The following ARHGAP44 variants were observed in gnomAD, a reference collection of about 807,000 sequenced individuals.
The protein encoded by ARHGAP44 is Rho GTPase activating protein 44.
Under a neutral mutation model 106.8 loss-of-function variants are expected in ARHGAP44, and 43 were observed. That is an observed-to-expected ratio of 0.40 (90% CI 0.32 to 0.52). ARHGAP44 has a LOEUF of 0.52. Among genes scored for constraint, ARHGAP44 ranks in the 20% least tolerant of loss-of-function variants. The pLI, the probability that ARHGAP44 is intolerant of heterozygous loss-of-function variation, is 0.48. For synonymous variants in ARHGAP44, 439 were observed against 410.3 expected (o/e 1.07, Z -0.85); for missense variants, 866 against 1,050.5 (o/e 0.82, Z 2.43).
intron 1 of ARHGAP44, among the ~76,000 whole-genome samples, chr17:12,873,921 ATAAATAAACAAATAAAT>A (rs2036475138): frequency 1.7e-4 from 3 of 17,546 alleles, no homozygotes; most frequent in African/African-American, 2.1e-4. Context: ...AAATAAATAA[ATAAATAAACAAATAAAT>A]AAATAAATAA....
chr17:12,948,752 C>CACGCA (rs1221163562), intron 10 of ARHGAP44, among the ~76,000 whole-genome samples: 1 of 140,794 alleles, frequency 7.1e-6, no homozygotes, highest in Non-Finnish European at 1.5e-5. Context: ...ACACACACAC[C>CACGCA]CCCTGTAGAC....
At chr17:12,891,987 G>GGGTTTGA (rs11282664) in intron 1 of ARHGAP44, among the ~76,000 whole-genome samples, 112,024 of 151,240 alleles carry the variant, frequency 0.74, 41,815 homozygotes, top group East Asian at 0.98. Context: ...AGCAGAGATG[G>GGGTTTGA]CCATGTTGGC....
At chr17:12,919,676 G>A (rs373182449) in intron 5 of ARHGAP44, 79 bp from the exon 6 acceptor site, 36 of 1,306,648 alleles carry the variant, frequency 2.8e-5, no homozygotes, top group African/African-American at 2.5e-4. Context: ...ATGAGCCACC[G>A]CGCCTGGCCA....
chr17:12,894,271 C>A (rs1035564639), intron 1 of ARHGAP44, among the ~76,000 whole-genome samples: 1 of 147,104 alleles, frequency 6.8e-6, no homozygotes, highest in Non-Finnish European at 1.5e-5. Context: ...CACGTGCGTG[C>A]GTGTTGTCAG....
At chr17:12,812,532 C>T (rs1211640938) in intron 1 of ARHGAP44, among the ~76,000 whole-genome samples, 1 of 152,082 alleles carries the variant, frequency 6.6e-6, no homozygotes, top group African/African-American at 2.4e-5. Context: ...TGAATTTTAC[C>T]TGAATCAGAT....
At chr17:12,813,146 T>A (rs2034488284) in intron 1 of ARHGAP44, among the ~76,000 whole-genome samples, 1 of 152,138 alleles carries the variant, frequency 6.6e-6, no homozygotes, top group Non-Finnish European at 1.5e-5. Flanking sequence ...CTTTGCATGT[T>A]CTGTTTCTAA....
chr17:12,802,921 G>A (rs1597861346), intron 1 of ARHGAP44, among the ~76,000 whole-genome samples: 1 of 92,718 alleles, frequency 1.1e-5, no homozygotes, highest in Admixed American at 1.5e-4. Context: ...ACCATACCTG[G>A]CTAATTTATA....
intron 1 of ARHGAP44, among the ~76,000 whole-genome samples, chr17:12,878,099 A>G (rs2036613298): frequency 6.6e-6 from 1 of 152,272 alleles, no homozygotes; most frequent in Admixed American, 6.5e-5. Flanking sequence ...TTGGGAAATG[A>G]CAGGTGAACT....
At chr17:12,865,767 C>G (rs1247688266) in intron 1 of ARHGAP44, among the ~76,000 whole-genome samples, 1 of 131,458 alleles carries the variant, frequency 7.6e-6, no homozygotes, top group African/African-American at 2.8e-5. Flanking sequence ...CCAGCCTGGG[C>G]AACAGAGCGA....
At chr17:12,962,014 C>T (rs1346289698) in intron 16 of ARHGAP44, among the ~76,000 whole-genome samples, 1 of 152,070 alleles carries the variant, frequency 6.6e-6, no homozygotes, top group African/African-American at 2.4e-5. Context: ...AGTCTTCACA[C>T]TGCTCATTGA....
chr17:12,870,336 C>T (rs1437396084), intron 1 of ARHGAP44, among the ~76,000 whole-genome samples: 1 of 152,064 alleles, frequency 6.6e-6, no homozygotes. Context: ...GCCACTGTGC[C>T]CAGCCTGAAT....
chr17:12,857,715 C>CG (rs1567652184), intron 1 of ARHGAP44, among the ~76,000 whole-genome samples: 1 of 152,122 alleles, frequency 6.6e-6, no homozygotes, highest in Non-Finnish European at 1.5e-5. Flanking sequence ...CCGTATTTTC[C>CG]ATAACAGGAT....
At chr17:12,844,872 G>T (rs2150836359) in intron 1 of ARHGAP44, among the ~76,000 whole-genome samples, 1 of 152,186 alleles carries the variant, frequency 6.6e-6, no homozygotes, top group East Asian at 1.9e-4. Context: ...TCGAAGATTG[G>T]TCTGATAAGA....
chr17:12,964,778 C>T (rs1419150645), intron 16 of ARHGAP44, among the ~76,000 whole-genome samples: 1 of 152,066 alleles, frequency 6.6e-6, no homozygotes, highest in Non-Finnish European at 1.5e-5. Flanking sequence ...CAGAGTGAGA[C>T]TCTGTCTCAA....
At chr17:12,956,996 G>A (rs2039145462) in intron 15 of ARHGAP44, among the ~76,000 whole-genome samples, 2 of 152,118 alleles carry the variant, frequency 1.3e-5, no homozygotes, top group African/African-American at 4.8e-5. Context: ...TTGTTGCCCA[G>A]GCTGGATTGC....
chr17:12,822,403 A>G (rs140937364), intron 1 of ARHGAP44, among the ~76,000 whole-genome samples: 336 of 152,284 alleles, frequency 2.2e-3, no homozygotes, highest in African/African-American at 7.7e-3. Context: ...GCCCCCTGCA[A>G]TGGATTGTCA....
In ARHGAP44 at chr17:12,941,227, G is replaced by A; in HGVS notation, c.651+103G>A. Reference sequence around the variant, plus strand: ...TTAATTGATCACATCATAGAAAAAGGTGGGAGCTTTGACCATTTTACTAGT... The same window carrying A: ...TTAATTGATCACATCATAGAAAAAGATGGGAGCTTTGACCATTTTACTAGT... On this transcript the variant is annotated intron_variant, in intron 8 of 20. Coordinates refer to ENST00000379672, the MANE Select transcript of ARHGAP44 (RefSeq NM_014859.6). The A allele has an allele frequency of 5.4e-6, 6 of 1,109,182 alleles. No homozygotes were observed. In the South Asian group the frequency reaches 8.8e-5, roughly 16 times the overall value. 68.7% of individuals were successfully genotyped at this position (1,109,182 alleles called of 1,614,324 possible). A position where few individuals can be genotyped will look rare whatever the true frequency, so the allele number is the denominator to read the frequency against.
intron 1 of ARHGAP44, among the ~76,000 whole-genome samples, chr17:12,806,132 G>A (rs577970208): frequency 4.1e-4 from 63 of 152,234 alleles, no homozygotes; most frequent in African/African-American, 1.4e-3. Context: ...GAAGTATGAG[G>A]GTGGTTAGAA....
At chr17:12,939,052 A>G (rs1445694302) in intron 7 of ARHGAP44, among the ~76,000 whole-genome samples, 1 of 152,120 alleles carries the variant, frequency 6.6e-6, no homozygotes, top group Non-Finnish European at 1.5e-5. Flanking sequence ...CTGACTTGAA[A>G]TGTCCTCCTC....
Sources: gnomAD v4.1 joint callset for allele counts (sites outside exome capture counted in the v4.1 genomes callset) on GRCh38, gnomAD v4.1.1 for gene constraint, MANE v1.5 for transcripts, NCBI Gene and HGNC (gene_info 2026-07-23, HGNC 2026-07-21) for gene names.